The following CEBPZ variants were observed in gnomAD, a reference collection of about 807,000 sequenced individuals.
CEBPZ encodes the protein CCAAT enhancer binding protein zeta, also known as CCAAT/enhancer-binding protein zeta.
In CEBPZ, 78 loss-of-function variants were observed where a neutral mutation model predicts 104.5. The ratio of observed to expected loss-of-function variants is 0.75; its 90% CI spans 0.62 to 0.90. The LOEUF is 0.90. CEBPZ is among the 40% of genes least tolerant of loss of function. The pLI, the probability that CEBPZ is intolerant of heterozygous loss-of-function variation, is 0.00. For synonymous variants in CEBPZ, 470 were observed against 427.0 expected, an observed-to-expected ratio of 1.10 and a Z score of -1.24; for missense variants, 1,439 against 1,233.5, an observed-to-expected ratio of 1.17 and a Z score of -2.50.
At chr2:37,217,079 G>C in intron 5 of CEBPZ, 42 bp from the exon 6 acceptor site, 16 of 1,494,532 alleles carry the variant, frequency 1.1e-5, no homozygotes, top group Non-Finnish European at 1.5e-5. Flanking sequence ...TTCTAAGGTC[G>C]ACTCTTAGTA....
chr2:37,226,017 C>G (rs913382905), intron 2 of CEBPZ, among the ~76,000 whole-genome samples: 32 of 146,554 alleles, frequency 2.2e-4, no homozygotes, highest in Non-Finnish European at 4.2e-4. Context: ...GATGCAAAGA[C>G]CTTTGTTCAC....
chr2:37,212,339 C>A lies in CEBPZ; in HGVS notation c.2599G>T (p.Ala867Ser). 1 of 1,613,224 alleles carries A rather than the reference C, an allele frequency of 6.2e-7. No homozygotes were observed. The highest frequency in any genetic ancestry group is 1.1e-5 in the South Asian group (1 of 91,056). The change falls in exon 11 of 16, where the codon GCT (alanine) becomes TCT (serine). Residue 867 changes from alanine (A) to serine (S), a missense_variant. Ala to Ser is a moderately conservative substitution (Grantham distance 99). Transcript: ENST00000234170. ...FSSGKDDMDFAGNVKKRTKGA... is the reference protein window; with the variant it reads ...FSSGKDDMDFSGNVKKRTKGA... ...GAGAAGATAGAAGTATGTTACCCAG[C>A]AAAATCCATATCATCCTTTCCAGAG...
At chr2:37,208,562 C>T (rs189165026) in intron 13 of CEBPZ, among the ~76,000 whole-genome samples, 42 of 152,098 alleles carry the variant, frequency 2.8e-4, no homozygotes, top group Admixed American at 7.2e-4. Context: ...TCTCAATAGA[C>T]GCAGAAAAAG....
At chr2:37,207,625 C>A (rs1210671398) in intron 13 of CEBPZ, among the ~76,000 whole-genome samples, 1 of 152,170 alleles carries the variant, frequency 6.6e-6, no homozygotes, top group African/African-American at 2.4e-5. Flanking sequence ...CACAACCCAT[C>A]AAAACCTCTG....
intron 5 of CEBPZ, among the ~76,000 whole-genome samples, chr2:37,217,982 A>C (rs1390990876): frequency 6.6e-6 from 1 of 151,436 alleles, no homozygotes; most frequent in Non-Finnish European, 1.5e-5. Context: ...AAAAATAATT[A>C]TGCAGCCAGG....
In CEBPZ at chr2:37,231,458, T is replaced by C; in HGVS notation, c.110A>G (p.Glu37Gly). The C allele has an allele frequency of 1.2e-6, 2 of 1,614,202 alleles. No homozygotes were observed. Among genetic ancestry groups the C allele is most frequent in the Non-Finnish European group, 1.7e-6 (2 of 1,180,034 alleles). The change falls in exon 1 of 16, where the codon GAG becomes GGG. Residue 37 changes from glutamate (E) to glycine (G), a missense_variant. By Grantham distance (98) the Glu-to-Gly change is moderately conservative. Coordinates refer to ENST00000234170, the MANE Select transcript of CEBPZ (RefSeq NM_005760.3). The part of the protein sequence containing the change: ...EEDEDNTSEA[E>G]NGFSLEEVLR... ...CACTTCCTCCAGGGAGAACCCATTC[T>C]CGGCTTCACTAGTATTATCCTCATC...
rs182455262 is a variant in CEBPZ, at chr2:37,220,360, A to G, written c.2154+25T>C. 3.0e-5 allele frequency: 35 copies of G among 1,183,766 alleles called. No individual in the cohort carries two copies. The East Asian group carries it at 6.7e-4, about 23-fold the overall frequency. 73.3% of individuals were successfully genotyped at this position (1,183,766 alleles called of 1,614,324 possible). The stretch of plus-strand genomic sequence containing the variant: ...ATATATATATATAGCATAAATGAAT[A>G]AAAGACAATTTGAAATTATTTTACC... On this transcript the variant is annotated intron_variant, in intron 5 of 15. Coordinates refer to ENST00000234170, the MANE Select transcript of CEBPZ (RefSeq NM_005760.3).
At chr2:37,216,653 A>G (rs1461938643) in intron 6 of CEBPZ, among the ~76,000 whole-genome samples, 4 of 152,248 alleles carry the variant, frequency 2.6e-5, no homozygotes. Flanking sequence ...ACTAATATTA[A>G]TAATGCAGGC....
Position 37,211,915 on chromosome 2 carries a change from C to G in CEBPZ, c.2728G>C (p.Glu910Gln). 1 of 1,613,512 alleles carries G rather than the reference C, an allele frequency of 6.2e-7. No homozygotes were observed. The highest frequency in any genetic ancestry group is 8.5e-7 in the Non-Finnish European group (1 of 1,179,824). ...CCATCTTCATCAACTTCAGCAAATT[C>G]TTCATCATCCATACTTCCTAAAGAA... is the stretch of plus-strand genomic sequence containing the variant. Reference protein sequence around the residue: ...EVSLGSMDDEEFAEVDEDGGT... With the variant: ...EVSLGSMDDEQFAEVDEDGGT... The change falls in exon 12 of 16, where the codon GAA becomes CAA. Residue 910 changes from glutamate (E) to glutamine (Q), a missense_variant. Glu to Gln is a conservative substitution (Grantham distance 29). Transcript: ENST00000234170.
intron 2 of CEBPZ, among the ~76,000 whole-genome samples, chr2:37,223,981 C>G (rs1210236873): frequency 6.6e-6 from 1 of 152,224 alleles, no homozygotes; most frequent in East Asian, 1.9e-4. Flanking sequence ...CTCCAACTCT[C>G]TGCATGTCCA....
chr2:37,212,049 AAC>A lies in CEBPZ; in HGVS notation c.2604-12_2604-11del. On this transcript the variant is annotated splice_polypyrimidine_tract_variant and intron_variant, in intron 11 of 15. Coordinates refer to ENST00000234170, the MANE Select transcript of CEBPZ (RefSeq NM_005760.3). The stretch of plus-strand genomic sequence containing the variant: ...TCTCTTTTTCACGTTTCTGGAAAAA[AAC>A]ACAACTTGTAATACAAGAGGAGGCA... 1 of 1,574,078 alleles carries A rather than the reference AAC, an allele frequency of 6.4e-7. No homozygotes were observed. Among genetic ancestry groups the A allele is most frequent in the Non-Finnish European group, 8.6e-7 (1 of 1,165,330 alleles).
At chr2:37,209,146 G>A (rs998870375) in intron 13 of CEBPZ, 2 of 151,848 alleles carry the variant, frequency 1.3e-5, no homozygotes, top group Non-Finnish European at 2.9e-5. Flanking sequence ...AGAAACCACA[G>A]ACACACACAA....
At chr2:37,207,149 TA>T (rs895236521) in intron 13 of CEBPZ, among the ~76,000 whole-genome samples, 1 of 152,188 alleles carries the variant, frequency 6.6e-6, no homozygotes, top group African/African-American at 2.4e-5. Context: ...TCCAAATTTA[TA>T]AAACCATTAC....
intron 2 of CEBPZ, among the ~76,000 whole-genome samples, chr2:37,226,160 C>T (rs1025456372): frequency 5.9e-5 from 9 of 151,802 alleles, no homozygotes; most frequent in African/African-American, 2.2e-4. Context: ...ATATGCTGAA[C>T]GCTGGTTCCC....
At chr2:37,218,122 C>T (rs992124446) in intron 5 of CEBPZ, among the ~76,000 whole-genome samples, 6 of 151,498 alleles carry the variant, frequency 4.0e-5, no homozygotes, top group Non-Finnish European at 8.8e-5. Context: ...AAAAAATTAG[C>T]CAGGCGTGGC....
At chr2:37,229,098 T>A in intron 1 of CEBPZ, 62 bp from the exon 2 acceptor site, 2 of 1,297,966 alleles carry the variant, frequency 1.5e-6, no homozygotes, top group Non-Finnish European at 2.0e-6. Flanking sequence ...CATAAAATAA[T>A]AGGAAACACA....
In CEBPZ at chr2:37,228,569, A is replaced by G. The variant is rs1323835743; in HGVS notation, c.624T>C (p.Leu208=). 1 of 1,614,208 alleles carries G rather than the reference A, an allele frequency of 6.2e-7. No homozygotes were observed. The highest frequency in any genetic ancestry group is 8.5e-7 in the Non-Finnish European group (1 of 1,180,032). ...TTTCATGCTGATACAGCTTCTGAGC[A>G]AGGGTTTTGTACTTAGATACAACAT... The part of the protein sequence containing the change: ...PQDVVSKYKT[L]AQKLYQHEIN... Residue 208 remains leucine (L), a synonymous_variant, in exon 2 of 16, where the codon CTT becomes CTC. Transcript: ENST00000234170.
At position 37,202,937 on chromosome 2, in the gene CEBPZ, A is replaced by C; in HGVS notation, c.2943+13T>G. On this transcript the variant is annotated intron_variant, in intron 14 of 15. Coordinates refer to ENST00000234170, the MANE Select transcript of CEBPZ (RefSeq NM_005760.3). ...AGAATAGCTAGCTTGTTAAAACAGT[A>C]CATTAGCCTTACCTCTTCAGCAGAT... 1 of 1,594,510 alleles carries C rather than the reference A, an allele frequency of 6.3e-7. No homozygotes were observed. The highest frequency in any genetic ancestry group is 2.3e-5 in the East Asian group (1 of 44,290).
chr2:37,217,910 A>AC (rs1284554455), intron 5 of CEBPZ, among the ~76,000 whole-genome samples: 1 of 146,228 alleles, frequency 6.8e-6, no homozygotes, highest in Non-Finnish European at 1.5e-5. Flanking sequence ...TCAAAAAAAA[A>AC]AAACAAAAAA....
Sources: allele counts gnomAD v4.1 joint callset (sites outside exome capture counted in the v4.1 genomes callset), GRCh38; gene constraint gnomAD v4.1.1; transcripts MANE v1.5; gene names NCBI Gene and HGNC (gene_info 2026-07-23, HGNC 2026-07-21).